FAM171A1: variants seen among roughly 807,000 people sequenced by gnomAD.
The protein encoded by FAM171A1 is family with sequence similarity 171 member A1.
FAM171A1 carries 23 observed loss-of-function variants against 74.9 expected under a neutral mutation model. That is an observed-to-expected ratio of 0.31 (90% confidence interval 0.22 to 0.44). FAM171A1 has a LOEUF of 0.44. FAM171A1 is among the 20% of genes least tolerant of loss of function. The pLI is 1.00. For synonymous variants in FAM171A1, 527 were observed against 505.7 expected, an observed-to-expected ratio of 1.04 and a Z score of -0.57; for missense variants, 1,162 against 1,159.2, an observed-to-expected ratio of 1.00 and a Z score of -0.03.
In FAM171A1 at chr10:15,232,801, C is replaced by T. The variant is rs543633984; in HGVS notation, c.755-11741G>A. Among the ~76,000 whole-genome samples, 9 of 152,288 alleles carry T rather than the reference C, an allele frequency of 5.9e-5. No individual in the cohort carries two copies. In the East Asian group the frequency reaches 7.7e-4, roughly 13 times the overall value. ...GGGGATTTGGAGTCTGAAGAAATCA[C>T]GTTTTGTGTCTCCCCCTTCCCTAGG... On this transcript the variant is annotated intron_variant, in intron 5 of 7. Transcript: ENST00000378116.
In FAM171A1 at chr10:15,330,357, T is replaced by A. The variant is rs572204657; in HGVS notation, c.97+40599A>T. Reference sequence around the variant, plus strand: ...TTTTCTGAATTATTTTACCACAGTGTCAAAATCATGATCCTCTCATATTTT... The same window carrying A: ...TTTTCTGAATTATTTTACCACAGTGACAAAATCATGATCCTCTCATATTTT... On this transcript the variant is annotated intron_variant, in intron 1 of 7. Coordinates refer to ENST00000378116, the MANE Select transcript of FAM171A1 (RefSeq NM_001010924.2). Among the ~76,000 whole-genome samples the A allele has an allele frequency of 2.0e-5, 3 of 152,204 alleles. 1 individual carries two copies. The South Asian group carries it at 6.2e-4, about 32-fold the overall frequency.
chr10:15,357,046 A>C (rs1182233770), intron 1 of FAM171A1, among the ~76,000 whole-genome samples: 1 of 152,182 alleles, frequency 6.6e-6, no homozygotes, highest in Non-Finnish European at 1.5e-5. Flanking sequence ...TGGGAAGCTG[A>C]GGCGGGTGGA....
chr10:15,224,629 T>C (rs1371984599), intron 5 of FAM171A1, among the ~76,000 whole-genome samples: 1 of 152,126 alleles, frequency 6.6e-6, no homozygotes, highest in Non-Finnish European at 1.5e-5. Context: ...TGAATAAGTC[T>C]CAGGAGATCT....
At chr10:15,292,734 T>C (rs1450889878) in intron 1 of FAM171A1, among the ~76,000 whole-genome samples, 1 of 152,006 alleles carries the variant, frequency 6.6e-6, no homozygotes, top group African/African-American at 2.4e-5. Context: ...AATCCACCCG[T>C]CTCGTCCTCC....
intron 7 of FAM171A1, 42 bp from the exon 8 acceptor site, chr10:15,214,643 C>A (rs774166221): frequency 6.7e-7 from 1 of 1,503,674 alleles, no homozygotes; most frequent in East Asian, 2.4e-5. Flanking sequence ...ATTAGTGATT[C>A]TCACAATGAA....
chr10:15,250,725 AATCC>A (rs1412420826), intron 4 of FAM171A1, among the ~76,000 whole-genome samples: 1 of 152,224 alleles, frequency 6.6e-6, no homozygotes, highest in East Asian at 1.9e-4. Context: ...ACACCACTGC[AATCC>A]ATCCTGGGTG....
At chr10:15,220,616 G>A (rs1357279948) in intron 6 of FAM171A1, among the ~76,000 whole-genome samples, 1 of 151,980 alleles carries the variant, frequency 6.6e-6, no homozygotes, top group African/African-American at 2.4e-5. Context: ...CCTATACCAG[G>A]CCACAGCTGT....
At chr10:15,307,862 G>A (rs1400814066) in intron 1 of FAM171A1, among the ~76,000 whole-genome samples, 1 of 150,416 alleles carries the variant, frequency 6.6e-6, no homozygotes, top group Admixed American at 6.6e-5. Context: ...AGGCTGCAGT[G>A]CAGTGGCTAC....
chr10:15,303,679 T>G (rs1173646660), intron 1 of FAM171A1, among the ~76,000 whole-genome samples: 1 of 152,226 alleles, frequency 6.6e-6, no homozygotes, highest in East Asian at 1.9e-4. Context: ...CATTTACAAG[T>G]TGATGCTATT....
At chr10:15,352,976 G>A (rs1232830144) in intron 1 of FAM171A1, among the ~76,000 whole-genome samples, 1 of 152,200 alleles carries the variant, frequency 6.6e-6, no homozygotes, top group East Asian at 1.9e-4. Context: ...TGGACAATCG[G>A]TAGATGCAGG....
rs543501013 is a variant in FAM171A1 at position 15,320,504 on chromosome 10, G to A, written c.98-36399C>T. Among the ~76,000 whole-genome samples the A allele has an allele frequency of 6.6e-5, 10 of 152,290 alleles. No individual in the cohort carries two copies. The South Asian group carries it at 8.3e-4, about 13-fold the overall frequency. ...ATAAATGTAATGGGATTGCCAGGTC[G>A]AATGGCAGTTCTGTTTTAAGTTCTT... On this transcript the variant is annotated intron_variant, in intron 1 of 7. Transcript: ENST00000378116.
chr10:15,371,064 G>C lies in FAM171A1; in HGVS notation c.-12C>G, dbSNP rs1286496676. ...GCGGACCTGCTCATCTCCGCCGCGG[G>C]GCCGGCGGCGGCTCGGGCTCGCCGA... On this transcript the variant is annotated 5_prime_UTR_variant, in exon 1 of 8. Transcript: ENST00000378116. 2.1e-5 allele frequency: 22 copies of C among 1,071,052 alleles called. No individual in the cohort carries two copies. The East Asian group carries it at 8.0e-4, about 39-fold the overall frequency. The allele number at this position is 1,071,052 out of a possible 1,614,324, so 66.3% of individuals were successfully genotyped here.
chr10:15,351,808 C>T (rs1835883585), intron 1 of FAM171A1, among the ~76,000 whole-genome samples: 1 of 152,076 alleles, frequency 6.6e-6, no homozygotes, highest in African/African-American at 2.4e-5. Flanking sequence ...AATCTCAACA[C>T]TTCTAGGGCC....
chr10:15,301,293 C>T (rs953219271), intron 1 of FAM171A1, among the ~76,000 whole-genome samples: 3 of 151,988 alleles, frequency 2.0e-5, no homozygotes, highest in Non-Finnish European at 4.4e-5. Flanking sequence ...GAGCCTCAGC[C>T]TCTCGAGTAG....
At chr10:15,278,111 C>A (rs975356702) in intron 2 of FAM171A1, among the ~76,000 whole-genome samples, 1 of 152,110 alleles carries the variant, frequency 6.6e-6, no homozygotes. Flanking sequence ...GTGGATGTGA[C>A]CTCTTTTCAC....
chr10:15,215,748 T>TATTG (rs1279272300), intron 7 of FAM171A1, among the ~76,000 whole-genome samples: 1 of 152,194 alleles, frequency 6.6e-6, no homozygotes, highest in East Asian at 1.9e-4. Flanking sequence ...ATCAGATGAC[T>TATTG]ATTGTTAAAC....
rs990069774 is a variant in FAM171A1, at chr10:15,306,263, T to C, written c.98-22158A>G. On this transcript the variant is annotated intron_variant, in intron 1 of 7. Transcript: ENST00000378116. ...CAGGTAAACTGTTTGGGGTTCTTCT[T>C]TGAAAAAGTCAAATTAAAATATTTA... Among the ~76,000 whole-genome samples, 8 of 152,208 alleles carry C rather than the reference T, an allele frequency of 5.3e-5. No homozygotes were observed. In the East Asian group the frequency reaches 1.5e-3, roughly 29 times the overall value.
rs747778479 is a variant in FAM171A1 at position 15,216,082 on chromosome 10, C to T, written c.900G>A (p.Thr300=). 1.9e-6 allele frequency: 3 copies of T among 1,608,958 alleles called. No individual in the cohort carries two copies. The highest frequency in any genetic ancestry group is 1.1e-5 in the South Asian group (1 of 89,454). The change falls in exon 7 of 8, where the codon ACG becomes ACA. Residue 300 remains threonine, a synonymous_variant. Transcript: ENST00000378116. ...PGPVVTQDIT[T]YHTVFLLAIL... ...TGGCCAAAAGAAACACCGTGTGATA[C>T]GTGGTAATGTCCTGTGTTACAACGG...
At chr10:15,231,437 T>C (rs1002557613) in intron 5 of FAM171A1, among the ~76,000 whole-genome samples, 1 of 152,084 alleles carries the variant, frequency 6.6e-6, no homozygotes, top group African/African-American at 2.4e-5. Context: ...TCTTGAGTTC[T>C]AGTGATCTTC....
Sources: allele counts gnomAD v4.1 joint callset (sites outside exome capture counted in the v4.1 genomes callset), GRCh38; gene constraint gnomAD v4.1.1; transcripts MANE v1.5; gene names NCBI Gene and HGNC (gene_info 2026-07-23, HGNC 2026-07-21).